LYRM4: variants seen among roughly 807,000 people sequenced by gnomAD.
LYRM4 encodes the protein LYR motif containing 4, also known as LYR motif-containing protein 4.
In LYRM4, 9 loss-of-function variants were observed where a neutral mutation model predicts 11.7. The observed-to-expected ratio is 0.77, with a 90% CI of 0.46 to 1.34. LYRM4 has a LOEUF of 1.34. Ranked by LOEUF, LYRM4 falls within the 40% of genes most tolerant of loss-of-function variation. The pLI is 0.00. For synonymous variants in LYRM4, 42 were observed against 40.4 expected, an observed-to-expected ratio of 1.04 and a Z score of -0.15; for missense variants, 133 against 112.5, an observed-to-expected ratio of 1.18 and a Z score of -0.82.
the LYRM4 span, chr6:5,066,130 C>T: frequency 4.1e-4 from 224 of 547,726 alleles, 1 homozygote; most frequent in African/African-American, 3.5e-3. Context: ...TAATTCCCTA[C>T]ACTTTGGGTT....
intron 2 of LYRM4, among the ~76,000 whole-genome samples, chr6:5,145,334 G>A (rs1757658315): frequency 6.6e-6 from 1 of 152,232 alleles, no homozygotes; most frequent in African/African-American, 2.4e-5. Context: ...TGGGGGGCAC[G>A]CGCCTGTGTA....
rs534404683 is a variant in LYRM4 at position 5,155,279 on chromosome 6, C to T, written c.208-45788G>A. ...ATTTTTAGTAGAGACGGGGGTTTCA[C>T]CATGTTGGCCAGGCTGGTCTTGAAC... On this transcript the variant is annotated intron_variant, in intron 2 of 2. Transcript: ENST00000330636. Among the ~76,000 whole-genome samples, 11 of 152,252 alleles carry T rather than the reference C, an allele frequency of 7.2e-5. No individual in the cohort carries two copies. The East Asian group carries it at 2.1e-3, about 29-fold the overall frequency.
downstream of LYRM4, among the ~76,000 whole-genome samples, chr6:5,099,494 C>T (rs1156228799): frequency 6.6e-6 from 1 of 152,104 alleles, no homozygotes. The surrounding 1 kb of genome is among the most constrained non-coding windows in gnomAD (Gnocchi z 4.3). Context: ...CTCAAGTGAT[C>T]CTCCTGCCTT....
intron 2 of LYRM4, among the ~76,000 whole-genome samples, chr6:5,141,798 G>T (rs916290244): frequency 6.6e-6 from 1 of 152,110 alleles, no homozygotes; most frequent in Non-Finnish European, 1.5e-5. Flanking sequence ...AGGCATGAGG[G>T]TATAAAAAAG....
chr6:5,134,636 G>C (rs1193982432), intron 2 of LYRM4, among the ~76,000 whole-genome samples: 1 of 152,148 alleles, frequency 6.6e-6, no homozygotes, highest in Non-Finnish European at 1.5e-5. Flanking sequence ...GGAGAGCATG[G>C]GTAGGCGTAA....
chr6:5,186,666 G>A lies in LYRM4; in HGVS notation c.207+29952C>T, dbSNP rs1055415. The A allele has an allele frequency of 6.1e-6, 6 of 984,396 alleles. No homozygotes were observed. In the East Asian group the frequency reaches 3.4e-4, roughly 56 times the overall value. The allele number at this position is 984,396 out of a possible 1,614,324, so 61.0% of individuals were successfully genotyped here. ...GCATGACACAAAATTCAAAGACAATGAAGTGAAATGTAACTACATAAAAAT... is the reference window on the plus strand; with the variant it reads ...GCATGACACAAAATTCAAAGACAATAAAGTGAAATGTAACTACATAAAAAT... On this transcript the variant is annotated intron_variant, in intron 2 of 2. Coordinates refer to ENST00000330636, the MANE Select transcript of LYRM4 (RefSeq NM_020408.6).
the LYRM4 span, chr6:5,066,123 T>C: frequency 1.9e-6 from 1 of 526,036 alleles, no homozygotes; most frequent in Non-Finnish European, 3.6e-6. Flanking sequence ...GCTCCAATAA[T>C]TCCCTACACT....
intron 1 of LYRM4, among the ~76,000 whole-genome samples, chr6:5,225,992 C>T (rs186457871): frequency 9.2e-5 from 14 of 152,288 alleles, no homozygotes; most frequent in Non-Finnish European, 2.1e-4. Context: ...ATATCCTTTG[C>T]CTTTTCTTAA....
At chr6:5,167,490 C>T (rs751884921) in intron 2 of LYRM4, among the ~76,000 whole-genome samples, 3 of 152,168 alleles carry the variant, frequency 2.0e-5, no homozygotes, top group Non-Finnish European at 2.9e-5. Flanking sequence ...TTTTTCAATT[C>T]GTTTCATCTT....
At chr6:5,245,627 C>T (rs1177875100) in intron 1 of LYRM4, among the ~76,000 whole-genome samples, 1 of 152,200 alleles carries the variant, frequency 6.6e-6, no homozygotes, top group Non-Finnish European at 1.5e-5. Context: ...ATTGGGCTGA[C>T]AGTACTGAGC....
chr6:5,135,446 T>A (rs9504342), intron 2 of LYRM4, among the ~76,000 whole-genome samples: 1 of 35,892 alleles, frequency 2.8e-5, no homozygotes, highest in Non-Finnish European at 5.1e-5. Flanking sequence ...GAGGGTGCGG[T>A]TCACTCCCGG....
chr6:5,114,146 C>T (rs1016080107), intron 2 of LYRM4, among the ~76,000 whole-genome samples: 7 of 152,168 alleles, frequency 4.6e-5, no homozygotes, highest in Non-Finnish European at 1.0e-4. Context: ...GCCTGCCCGC[C>T]CTCCAGTTTG....
At chr6:5,249,626 T>C (rs554373551) in intron 1 of LYRM4, among the ~76,000 whole-genome samples, 1 of 152,336 alleles carries the variant, frequency 6.6e-6, no homozygotes, top group South Asian at 2.1e-4. Context: ...TGTCATAACC[T>C]TGGCAACTTG....
At chr6:5,235,259 C>T (rs1763473647) in intron 1 of LYRM4, among the ~76,000 whole-genome samples, 1 of 152,164 alleles carries the variant, frequency 6.6e-6, no homozygotes, top group Non-Finnish European at 1.5e-5. Flanking sequence ...TCTCCTGCCT[C>T]AGCCTCCTGA....
chr6:5,158,474 T>C (rs1293195871), intron 2 of LYRM4, among the ~76,000 whole-genome samples: 1 of 45,336 alleles, frequency 2.2e-5, no homozygotes, highest in Non-Finnish European at 5.9e-5. Flanking sequence ...GGTCTCCACG[T>C]TTTTTTTTTT....
Position 5,109,419 on chromosome 6 carries a change from C to T in LYRM4, c.*4G>A. 1 of 1,614,002 alleles carries T rather than the reference C, an allele frequency of 6.2e-7. No homozygotes were observed. The highest frequency in any genetic ancestry group is 8.5e-7 in the Non-Finnish European group (1 of 1,179,892). The stretch of plus-strand genomic sequence containing the variant: ...GCCGCCACTGGTGGCTGGTCCCCGG[C>T]TTGCTAGGTCCTGGGCATGTCTCGA... On this transcript the variant is annotated 3_prime_UTR_variant, in exon 3 of 3. Coordinates refer to ENST00000330636, the MANE Select transcript of LYRM4 (RefSeq NM_020408.6).
the LYRM4 span, among the ~76,000 whole-genome samples, chr6:5,060,450 G>GT: frequency 1.9e-4 from 29 of 151,042 alleles, no homozygotes; most frequent in Admixed American, 5.9e-4. Flanking sequence ...CCCAGTGAAG[G>GT]TTTTTTTTAG....
At chr6:5,054,607 C>G in the LYRM4 span, among the ~76,000 whole-genome samples, 1 of 152,158 alleles carries the variant, frequency 6.6e-6, no homozygotes, top group Non-Finnish European at 1.5e-5. Flanking sequence ...CCCCAACCAA[C>G]TGAATGGATC....
In LYRM4 at chr6:5,117,249, C is replaced by T. The variant is rs188625432; in HGVS notation, c.208-7758G>A. Among the ~76,000 whole-genome samples, 47 of 152,334 alleles carry T rather than the reference C, an allele frequency of 3.1e-4. 1 individual carries two copies. The highest frequency in any genetic ancestry group is 2.8e-3 in the Admixed American group (43 of 15,298). ...TTACATGCACAGACTTGTGCTAGGCCTGTCTCTGTCAAGATGCGTATCATG... is the reference window on the plus strand; with the variant it reads ...TTACATGCACAGACTTGTGCTAGGCTTGTCTCTGTCAAGATGCGTATCATG... On this transcript the variant is annotated intron_variant, in intron 2 of 2. Transcript: ENST00000330636.
Sources: gnomAD v4.1 joint callset for allele counts (sites outside exome capture counted in the v4.1 genomes callset) on GRCh38, gnomAD v4.1.1 for gene constraint, Gnocchi (gnomAD v3.1) non-coding constraint, MANE v1.5 for transcripts, NCBI Gene and HGNC (gene_info 2026-07-23, HGNC 2026-07-21) for gene names.